The following RFT1 variants were observed in gnomAD, a reference collection of about 807,000 sequenced individuals.
RFT1 encodes the protein RFT1 glycolipid translocator homolog.
Under a neutral mutation model 62.2 loss-of-function variants are expected in RFT1, and 43 were observed. The ratio of observed to expected loss-of-function variants is 0.69; its 90% CI spans 0.54 to 0.89. The LOEUF (loss-of-function observed/expected upper bound fraction) is 0.89. Among genes scored for constraint, RFT1 ranks in the 40% least tolerant of loss-of-function variants. The probability of loss-of-function intolerance (pLI) is 0.00; values close to 1 mark genes in which losing one functional copy is unlikely to be tolerated. For missense variants in RFT1, 605 were observed against 649.9 expected (o/e 0.93, Z 0.75); for synonymous variants, 262 against 264.6 (o/e 0.99, Z 0.10).
intron 6 of RFT1, 105 bp from the exon 7 acceptor site, chr3:53,112,013 T>G: frequency 1.2e-6 from 1 of 859,048 alleles, no homozygotes; most frequent in East Asian, 2.4e-5. Flanking sequence ...AATCCCAACT[T>G]GGATAGTCTC....
chr3:53,069,202 A>G, the RFT1 span, among the ~76,000 whole-genome samples: 1 of 152,142 alleles, frequency 6.6e-6, no homozygotes, highest in Non-Finnish European at 1.5e-5. Flanking sequence ...AGCCTCCCAA[A>G]GTGCTGGGAT....
chr3:53,125,474 A>G (rs1440882198), intron 2 of RFT1, among the ~76,000 whole-genome samples: 1 of 151,640 alleles, frequency 6.6e-6, no homozygotes, highest in East Asian at 1.9e-4. Flanking sequence ...CCAATTATAA[A>G]ATCACTGAGG....
chr3:53,126,227 G>A lies in RFT1; in HGVS notation c.64-233C>T, dbSNP rs6769944. 0.26 allele frequency among the ~76,000 whole-genome samples: 40,017 copies of A among 152,110 alleles called. 5,663 individuals are homozygous for A. Among genetic ancestry groups the A allele is most frequent in the Middle Eastern group, 0.4 (117 of 294 alleles). On this transcript the variant is annotated intron_variant, in intron 1 of 12. Transcript: ENST00000296292. ...GTCAAAGAACCCAGGAAGGCACTTG[G>A]AAGGCTCCCTAATTTATTAATAACA... is the stretch of plus-strand genomic sequence containing the variant.
At chr3:53,098,688 G>A (rs762327780) in intron 11 of RFT1, among the ~76,000 whole-genome samples, 5 of 150,622 alleles carry the variant, frequency 3.3e-5, no homozygotes, top group East Asian at 4.0e-4. Flanking sequence ...TGTAGTCCCA[G>A]CTACCTGGGA....
intron 1 of RFT1, among the ~76,000 whole-genome samples, chr3:53,126,276 C>A (rs1474348236): frequency 6.6e-6 from 1 of 152,226 alleles, no homozygotes; most frequent in African/African-American, 2.4e-5. Context: ...AATAGACTCA[C>A]TGAGTTTCTA....
chr3:53,070,410 T>TG, the RFT1 span, among the ~76,000 whole-genome samples: 1 of 141,400 alleles, frequency 7.1e-6, no homozygotes, highest in African/African-American at 2.6e-5. Flanking sequence ...TTTTTTTTTT[T>TG]TTTTTTTTTG....
chr3:53,073,390 G>A, the RFT1 span, among the ~76,000 whole-genome samples: 1 of 152,218 alleles, frequency 6.6e-6, no homozygotes, highest in Admixed American at 6.5e-5. Flanking sequence ...GAGGGGGCGG[G>A]GAAACGGGGA....
At chr3:53,102,307 G>A (rs1344425792) in intron 10 of RFT1, among the ~76,000 whole-genome samples, 1 of 152,176 alleles carries the variant, frequency 6.6e-6, no homozygotes, top group Non-Finnish European at 1.5e-5. Context: ...CAGAACTGAC[G>A]GACAATATGT....
intron 8 of RFT1, among the ~76,000 whole-genome samples, chr3:53,106,147 C>T (rs2107116907): frequency 6.6e-6 from 1 of 152,196 alleles, no homozygotes; most frequent in East Asian, 1.9e-4. Flanking sequence ...GTGGGAGGAT[C>T]ACCCAAGCCC....
chr3:53,088,449 T>A (rs1283313209), downstream of RFT1: 1 of 152,166 alleles, frequency 6.6e-6, no homozygotes, highest in East Asian at 1.9e-4. Flanking sequence ...TTTGTCCCTT[T>A]TGGAGGGAGA....
At chr3:53,126,018 G>A (rs1223307851) in intron 1 of RFT1, 24 bp from the exon 2 acceptor site, 22 of 1,560,606 alleles carry the variant, frequency 1.4e-5, no homozygotes, top group East Asian at 2.2e-5. Context: ...GGAAAAATAC[G>A]TAAGAATAAA....
chr3:53,101,487 G>A (rs1701312087), intron 10 of RFT1, among the ~76,000 whole-genome samples: 1 of 152,206 alleles, frequency 6.6e-6, no homozygotes, highest in Non-Finnish European at 1.5e-5. Flanking sequence ...CACAAACTCT[G>A]GCACCAATCA....
intron 2 of RFT1, among the ~76,000 whole-genome samples, chr3:53,125,010 A>C (rs1344453043): frequency 6.6e-6 from 1 of 152,124 alleles, no homozygotes; most frequent in Non-Finnish European, 1.5e-5. Context: ...GAAGAAGAGG[A>C]AAAGAAAACA....
At chr3:53,099,525 C>G in intron 10 of RFT1, 39 bp from the exon 11 acceptor site, 1 of 1,513,882 alleles carries the variant, frequency 6.6e-7, no homozygotes, top group African/African-American at 1.4e-5. Flanking sequence ...AGAGCCCAAT[C>G]AGAAGGCCCA....
chr3:53,120,113 T>C, intron 5 of RFT1, 92 bp from the exon 6 acceptor site: 1 of 1,059,588 alleles, frequency 9.4e-7, no homozygotes. Flanking sequence ...TAGAACTCTC[T>C]TGATTAACTG....
chr3:53,078,346 GC>G, the RFT1 span: 1 of 152,202 alleles, frequency 6.6e-6, no homozygotes, highest in Non-Finnish European at 1.5e-5. Flanking sequence ...TTTCTGCAGG[GC>G]ACTGGTTGCC....
intron 6 of RFT1, among the ~76,000 whole-genome samples, chr3:53,118,403 G>A (rs928702766): frequency 3.9e-5 from 6 of 152,136 alleles, no homozygotes; most frequent in Non-Finnish European, 4.4e-5. Flanking sequence ...TATCCAAAAC[G>A]TCCTGTTGGT....
chr3:53,099,470 A>T lies in RFT1; in HGVS notation c.1119T>A (p.Arg373=). The T allele has an allele frequency of 6.2e-7, 1 of 1,613,968 alleles. No homozygotes were observed. Among genetic ancestry groups the T allele is most frequent in the Non-Finnish European group, 8.5e-7 (1 of 1,179,874 alleles). Residue 373 remains arginine, a synonymous_variant, in exon 11 of 13, where the codon CGT becomes CGA. Transcript: ENST00000296292. ...GCAGGAGAACATAGAGACAGTAGGA[A>T]CGCAGCAAAACAGGACCTACAAGGA... The part of the protein sequence containing the change: ...LSSGSGPVLL[R]SYCLYVLLLA...
intron 9 of RFT1, among the ~76,000 whole-genome samples, chr3:53,105,395 C>CA (rs1197064794): frequency 1.6e-5 from 2 of 128,746 alleles, no homozygotes; most frequent in Non-Finnish European, 3.3e-5. Context: ...GGCTGGGCGT[C>CA]AGAGCAAGAC....
Sources: allele counts gnomAD v4.1 joint callset (sites outside exome capture counted in the v4.1 genomes callset), GRCh38; gene constraint gnomAD v4.1.1; transcripts MANE v1.5; gene names NCBI Gene and HGNC (gene_info 2026-07-23, HGNC 2026-07-21).